Variants in MPDZ observed in about 807,000 individuals in gnomAD.
The protein encoded by MPDZ is multiple PDZ domain protein.
MPDZ carries 234 observed loss-of-function variants against 239.1 expected under a neutral mutation model. The ratio of observed to expected loss-of-function variants is 0.98; its 90% confidence interval spans 0.88 to 1.09. The LOEUF is 1.09. MPDZ is among the 50% of genes least tolerant of loss of function. The pLI, the probability that MPDZ is intolerant of heterozygous loss-of-function variation, is 0.00. For synonymous variants in MPDZ, 1,048 were observed against 881.3 expected (o/e 1.19, Z -3.35); for missense variants, 3,175 against 2,510.0 (o/e 1.26, Z -5.66).
chr9:13,252,725 G>A (rs900501421), intron 1 of MPDZ, among the ~76,000 whole-genome samples: 4 of 152,016 alleles, frequency 2.6e-5, no homozygotes, highest in African/African-American at 9.7e-5. Context: ...GCATGTGCCT[G>A]TCGTCCCAGC....
rs190890080 is a variant in MPDZ, at chr9:13,129,698, G to A, written c.4465-2926C>T. ...TACAGGGAATAGAAAACAAATTAAG[G>A]AAATATATTTTTGTGGGTTTTTTTC... On this transcript the variant is annotated intron_variant, in intron 32 of 46. Coordinates refer to ENST00000319217, the MANE Select transcript of MPDZ (RefSeq NM_001378778.1). Among the ~76,000 whole-genome samples the A allele has an allele frequency of 3.3e-3, 507 of 152,010 alleles. 1 individual carries two copies. Among genetic ancestry groups the A allele is most frequent in the Non-Finnish European group, 5.9e-3 (398 of 67,976 alleles).
chr9:13,110,984 T>C (rs571261719), intron 43 of MPDZ, among the ~76,000 whole-genome samples: 6 of 152,318 alleles, frequency 3.9e-5, no homozygotes, highest in South Asian at 4.1e-4. Flanking sequence ...AGAAAGTCAC[T>C]CTTCCCTGCT....
At chr9:13,190,032 T>A (rs1408833055) in intron 16 of MPDZ, 82 bp downstream of exon 16, 1 of 1,236,068 alleles carries the variant, frequency 8.1e-7, no homozygotes, top group Non-Finnish European at 1.1e-6. Context: ...ACATCTTTGA[T>A]GGTTATAAAC....
At chr9:13,254,013 A>G (rs988147030) in intron 1 of MPDZ, among the ~76,000 whole-genome samples, 5 of 152,222 alleles carry the variant, frequency 3.3e-5, no homozygotes, top group Non-Finnish European at 7.3e-5. Flanking sequence ...AACACAAGCC[A>G]TCTAGCTCCA....
intron 3 of MPDZ, among the ~76,000 whole-genome samples, chr9:13,232,740 T>C (rs1962856249): frequency 6.7e-6 from 1 of 149,526 alleles, no homozygotes; most frequent in Non-Finnish European, 1.5e-5. Context: ...GGAGTGAAAA[T>C]GCAAAACACA....
intron 38 of MPDZ, 110 bp from the exon 39 acceptor site, chr9:13,119,759 T>A: frequency 1.5e-6 from 2 of 1,317,720 alleles, no homozygotes; most frequent in South Asian, 1.3e-5. Flanking sequence ...TTTATGACTT[T>A]AAAAGTTTTG....
At chr9:13,180,551 A>G (rs545330631) in intron 19 of MPDZ, among the ~76,000 whole-genome samples, 3 of 152,314 alleles carry the variant, frequency 2.0e-5, no homozygotes, top group African/African-American at 7.2e-5. Context: ...AATAGGAAAA[A>G]AAAATGTTCT....
intron 24 of MPDZ, 82 bp from the exon 25 acceptor site, chr9:13,150,770 TTA>T: frequency 1.1e-6 from 1 of 951,158 alleles, no homozygotes; most frequent in Non-Finnish European, 1.4e-6. Flanking sequence ...CAATGATTTC[TTA>T]TATATAACAC....
intron 7 of MPDZ, among the ~76,000 whole-genome samples, chr9:13,220,323 C>T (rs1327923180): frequency 6.6e-6 from 1 of 151,768 alleles, no homozygotes; most frequent in Non-Finnish European, 1.5e-5. Flanking sequence ...CATACACATG[C>T]AGTCCATTAA....
At chr9:13,140,524 T>C (rs1947516466) in intron 27 of MPDZ, among the ~76,000 whole-genome samples, 1 of 150,404 alleles carries the variant, frequency 6.6e-6, no homozygotes, top group East Asian at 2.0e-4. Flanking sequence ...GATAGATAGA[T>C]ATGAAATATT....
intron 26 of MPDZ, among the ~76,000 whole-genome samples, chr9:13,144,567 A>G (rs1183218931): frequency 6.6e-6 from 1 of 152,072 alleles, no homozygotes; most frequent in Non-Finnish European, 1.5e-5. Context: ...ACTTTTCTCT[A>G]TAAAAAAGCC....
chr9:13,167,605 C>T (rs1428327704), intron 22 of MPDZ, among the ~76,000 whole-genome samples: 3 of 152,000 alleles, frequency 2.0e-5, no homozygotes, highest in South Asian at 4.1e-4. Context: ...ACAATCTTTC[C>T]CTGAGCTCTT....
At chr9:13,171,040 C>A (rs1381488685) in intron 21 of MPDZ, among the ~76,000 whole-genome samples, 2 of 152,152 alleles carry the variant, frequency 1.3e-5, no homozygotes, top group Non-Finnish European at 2.9e-5. Context: ...TCCACCACTT[C>A]CAATCAGCAC....
At chr9:13,195,975 C>T (rs1254232257) in intron 13 of MPDZ, 146 bp downstream of exon 13, 5 of 505,862 alleles carry the variant, frequency 9.9e-6, no homozygotes, top group East Asian at 6.3e-5. Context: ...TTTTTATTAC[C>T]TGGATCACCA....
At chr9:13,209,647 T>C (rs920623170) in intron 10 of MPDZ, among the ~76,000 whole-genome samples, 6 of 152,152 alleles carry the variant, frequency 3.9e-5, no homozygotes, top group African/African-American at 1.2e-4. Flanking sequence ...GAAGTTGTTA[T>C]TGCAGTGAAC....
At chr9:13,272,838 T>C (rs1430803276) in intron 1 of MPDZ, among the ~76,000 whole-genome samples, 1 of 152,044 alleles carries the variant, frequency 6.6e-6, no homozygotes, top group Non-Finnish European at 1.5e-5. Flanking sequence ...ACATAAGCTT[T>C]ATGAAATTTA....
intron 15 of MPDZ, among the ~76,000 whole-genome samples, chr9:13,191,078 C>T (rs1307611865): frequency 6.6e-6 from 1 of 152,082 alleles, no homozygotes; most frequent in Admixed American, 6.6e-5. Flanking sequence ...ATCTTTGCTT[C>T]TAATCAATTA....
At chr9:13,121,550 C>T (rs771143289) in intron 38 of MPDZ, among the ~76,000 whole-genome samples, 189 bp downstream of exon 38, 4 of 152,132 alleles carry the variant, frequency 2.6e-5, no homozygotes, top group African/African-American at 4.8e-5. Flanking sequence ...CCTTCAAAAC[C>T]TTCCAATATT....
At chr9:13,201,142 C>T (rs1384293722) in intron 12 of MPDZ, among the ~76,000 whole-genome samples, 1 of 151,930 alleles carries the variant, frequency 6.6e-6, no homozygotes, top group Non-Finnish European at 1.5e-5. Flanking sequence ...TATTGACCTA[C>T]TGATGCTTTT....
Sources: allele counts gnomAD v4.1 joint callset (sites outside exome capture counted in the v4.1 genomes callset), GRCh38; gene constraint gnomAD v4.1.1; transcripts MANE v1.5; gene names NCBI Gene and HGNC (gene_info 2026-07-23, HGNC 2026-07-21).